WDR70: variants seen among roughly 807,000 people sequenced by gnomAD.
WDR70 encodes WD repeat domain 70.
In WDR70, 53 loss-of-function variants were observed where a neutral mutation model predicts 88.6. The observed-to-expected ratio is 0.60, with a 90% CI of 0.48 to 0.75. The LOEUF is 0.75. Among genes scored for constraint, WDR70 ranks in the 30% least tolerant of loss-of-function variants. WDR70 has a pLI of 0.00. For missense variants in WDR70, 610 were observed against 823.2 expected (o/e 0.74, Z 3.17); for synonymous variants, 280 against 270.0 (o/e 1.04, Z -0.36).
chr5:37,608,855 G>T (rs1346774690), intron 10 of WDR70, among the ~76,000 whole-genome samples: 1 of 152,144 alleles, frequency 6.6e-6, no homozygotes, highest in Non-Finnish European at 1.5e-5. Flanking sequence ...CACTGCACCT[G>T]GCCCTCTTTA....
intron 10 of WDR70, among the ~76,000 whole-genome samples, chr5:37,692,112 T>A (rs1440455168): frequency 6.6e-6 from 1 of 152,020 alleles, no homozygotes; most frequent in Non-Finnish European, 1.5e-5. Flanking sequence ...CTAGAAGAAA[T>A]GGATAAATTC....
chr5:37,630,999 G>A (rs1744798248), intron 10 of WDR70, among the ~76,000 whole-genome samples: 2 of 152,128 alleles, frequency 1.3e-5, no homozygotes, highest in South Asian at 4.1e-4. Context: ...TGGCAATGGG[G>A]GTTGGTGGTG....
At chr5:37,506,107 C>T in intron 8 of WDR70, 1 of 1,183,144 alleles carries the variant, frequency 8.5e-7, no homozygotes. Context: ...TTTGCATGTG[C>T]AAGATTGCAG....
intron 8 of WDR70, among the ~76,000 whole-genome samples, chr5:37,508,845 T>C (rs1377763504): frequency 6.6e-6 from 1 of 152,168 alleles, no homozygotes; most frequent in Non-Finnish European, 1.5e-5. Context: ...GAAACTGTTG[T>C]GAAAAAGTAA....
chr5:37,636,507 A>G lies in WDR70; in HGVS notation c.1092+31269A>G, dbSNP rs1244232867. 2.6e-5 allele frequency among the ~76,000 whole-genome samples: 4 copies of G among 152,330 alleles called. 1 individual carries two copies. The highest frequency in any genetic ancestry group is 3.9e-4 in the East Asian group (2 of 5,188). On this transcript the variant is annotated intron_variant, in intron 10 of 17. Transcript: ENST00000265107. ...CCTCACAAGATATTTATCAGCTACAAAGGGAGAATTAATAACTTTACACTG... is the reference window on the plus strand; with the variant it reads ...CCTCACAAGATATTTATCAGCTACAGAGGGAGAATTAATAACTTTACACTG...
chr5:37,650,036 C>T (rs1427287576), intron 10 of WDR70, among the ~76,000 whole-genome samples: 1 of 140,948 alleles, frequency 7.1e-6, no homozygotes, highest in Non-Finnish European at 1.5e-5. Context: ...TGCGCCCGGC[C>T]TATTACTTCT....
chr5:37,505,767 T>G, intron 8 of WDR70: 2 of 1,397,922 alleles, frequency 1.4e-6, no homozygotes, highest in Non-Finnish European at 2.0e-6. Flanking sequence ...CCCTCTCAAG[T>G]TGGCTTCTTG....
chr5:37,385,774 CTG>C (rs2111859955), intron 3 of WDR70, among the ~76,000 whole-genome samples: 1 of 151,698 alleles, frequency 6.6e-6, no homozygotes, highest in South Asian at 2.1e-4. Flanking sequence ...TTCAGAAGCT[CTG>C]TGGCAGGAAC....
At chr5:37,535,652 G>A (rs772338710) in intron 9 of WDR70, among the ~76,000 whole-genome samples, 3 of 152,188 alleles carry the variant, frequency 2.0e-5, no homozygotes, top group African/African-American at 2.4e-5. Flanking sequence ...ACATTTTCCA[G>A]TGAGGTAACA....
chr5:37,711,987 C>CTTTTTTTTTTTTTTTTTTTTTT (rs70978842), intron 13 of WDR70, among the ~76,000 whole-genome samples: 1 of 104,022 alleles, frequency 9.6e-6, no homozygotes, highest in Non-Finnish European at 1.9e-5. Flanking sequence ...TATATTTTTT[C>CTTTTTTTTTTTTTTTTTTTTTT]TTTTTTTTTT....
intron 5 of WDR70, among the ~76,000 whole-genome samples, chr5:37,414,274 C>A (rs1423743973): frequency 6.6e-6 from 1 of 152,024 alleles, no homozygotes; most frequent in Non-Finnish European, 1.5e-5. Context: ...TTATCCCCTT[C>A]TACCCCCTGG....
At chr5:37,429,526 A>G (rs2112017517) in intron 5 of WDR70, among the ~76,000 whole-genome samples, 1 of 152,254 alleles carries the variant, frequency 6.6e-6, no homozygotes, top group South Asian at 2.1e-4. Flanking sequence ...GGTGTAAGGA[A>G]AGGATTGGAG....
intron 10 of WDR70, among the ~76,000 whole-genome samples, chr5:37,687,447 G>A (rs1746643157): frequency 6.6e-6 from 1 of 152,144 alleles, no homozygotes; most frequent in South Asian, 2.1e-4. Context: ...TTAAAGAGGT[G>A]TTGCAATGGA....
chr5:37,506,146 T>C (rs1740553120), intron 8 of WDR70: 2 of 1,067,608 alleles, frequency 1.9e-6, no homozygotes, highest in East Asian at 2.4e-5. Flanking sequence ...TTGAAGTTAA[T>C]GTATCGAAGG....
rs541487703 is a variant in WDR70 at position 37,653,151 on chromosome 5, G to C, written c.1093-44504G>C. On this transcript the variant is annotated intron_variant, in intron 10 of 17. Coordinates refer to ENST00000265107, the MANE Select transcript of WDR70 (RefSeq NM_018034.4). ...TTTCTTGAGAGTTTTTAGCATGAAA[G>C]GGTGTTGAATTTTGTTGAAGGCCTT... Among the ~76,000 whole-genome samples the C allele has an allele frequency of 1.4e-4, 22 of 152,248 alleles. 1 individual carries two copies. In the South Asian group the frequency reaches 4.6e-3, roughly 32 times the overall value.
At chr5:37,590,185 C>A (rs1041921748) in intron 9 of WDR70, among the ~76,000 whole-genome samples, 18 of 152,094 alleles carry the variant, frequency 1.2e-4, no homozygotes, top group Non-Finnish European at 2.4e-4. Context: ...TGGGGAAATT[C>A]AATGATTTTT....
In WDR70 at chr5:37,479,976, G is replaced by T; in HGVS notation, c.829G>T (p.Ala277Ser). 1 of 1,612,506 alleles carries T rather than the reference G, an allele frequency of 6.2e-7. No individual in the cohort carries two copies. Among genetic ancestry groups the T allele is most frequent in the Non-Finnish European group, 8.5e-7 (1 of 1,179,488 alleles). ...AGGAGACCAGTATATTGTGGACATGGCCAACACCAAGGTAAGCATTAAACA... is the reference window on the plus strand; with the variant it reads ...AGGAGACCAGTATATTGTGGACATGTCCAACACCAAGGTAAGCATTAAACA... ...IKGDQYIVDM[A>S]NTKGHTAMLH... Residue 277 changes from alanine to serine, a missense_variant, in exon 8 of 18, where the codon GCC becomes TCC. Ala to Ser is a moderately conservative substitution (Grantham distance 99). Around this residue, in one of 4 missense-constraint regions of WDR70, gnomAD observed 83 missense variants for 155.3 expected, o/e 0.53. Transcript: ENST00000265107.
At chr5:37,688,493 A>G (rs1332918804) in intron 10 of WDR70, among the ~76,000 whole-genome samples, 2 of 152,126 alleles carry the variant, frequency 1.3e-5, no homozygotes, top group African/African-American at 4.8e-5. Flanking sequence ...ATTTAGGCCA[A>G]ATGAAGTACA....
intron 10 of WDR70, among the ~76,000 whole-genome samples, chr5:37,671,431 G>A (rs1337068075): frequency 6.6e-6 from 1 of 152,076 alleles, no homozygotes; most frequent in East Asian, 1.9e-4. Flanking sequence ...GGGGTGGGAG[G>A]TTGCAAGGCA....
Sources: gnomAD v4.1 joint callset for allele counts (sites outside exome capture counted in the v4.1 genomes callset) on GRCh38, gnomAD v4.1.1 for gene constraint, gnomAD v4.1.1 regional missense constraint, MANE v1.5 for transcripts, NCBI Gene and HGNC (gene_info 2026-07-23, HGNC 2026-07-21) for gene names.